CEP128: variants seen among roughly 807,000 people sequenced by gnomAD.
CEP128 encodes centrosomal protein 128, also known as centrosomal protein 128kDa.
CEP128 carries 132 observed loss-of-function variants against 156.7 expected under a neutral mutation model. The observed-to-expected ratio is 0.84, with a 90% CI of 0.73 to 0.97. The LOEUF is 0.97. Among genes scored for constraint, CEP128 ranks in the 50% least tolerant of loss-of-function variants. The pLI is 0.00. For missense variants in CEP128, 1,252 were observed against 1,281.9 expected (o/e 0.98, Z 0.36); for synonymous variants, 469 against 448.9 (o/e 1.04, Z -0.57).
intron 19 of CEP128, among the ~76,000 whole-genome samples, chr14:80,664,847 G>C (rs1895547322): frequency 6.6e-6 from 1 of 152,160 alleles, no homozygotes; most frequent in Non-Finnish European, 1.5e-5. Flanking sequence ...CAGAAGCAAA[G>C]TTCTAAAACC....
At chr14:80,940,052 CAATT>C in intron 1 of CEP128, among the ~76,000 whole-genome samples, 1 of 152,088 alleles carries the variant, frequency 6.6e-6, no homozygotes, top group Admixed American at 6.5e-5. Flanking sequence ...GAAATATTTT[CAATT>C]AATTGTGACT....
intron 13 of CEP128, among the ~76,000 whole-genome samples, chr14:80,794,852 G>A (rs1427109688): frequency 6.6e-6 from 1 of 151,998 alleles, no homozygotes; most frequent in Non-Finnish European, 1.5e-5. Context: ...CCCATAGGAG[G>A]TGATGCATAA....
At chr14:80,821,630 C>T (rs1161537554) in intron 13 of CEP128, among the ~76,000 whole-genome samples, 2 of 150,196 alleles carry the variant, frequency 1.3e-5, no homozygotes, top group South Asian at 2.1e-4. Flanking sequence ...CACACACACA[C>T]ACACACACAC....
At chr14:80,544,610 C>CA (rs1889903830) in intron 21 of CEP128, among the ~76,000 whole-genome samples, 1 of 152,194 alleles carries the variant, frequency 6.6e-6, no homozygotes, top group African/African-American at 2.4e-5. Context: ...TGCAAAATCT[C>CA]AGACTCCTCA....
chr14:80,548,151 A>T (rs927108563), intron 21 of CEP128, among the ~76,000 whole-genome samples: 7 of 151,760 alleles, frequency 4.6e-5, no homozygotes, highest in African/African-American at 1.7e-4. Flanking sequence ...TGAAAAAAAA[A>T]TAATAATAAT....
At chr14:80,875,778 C>A (rs1212184918) in intron 8 of CEP128, among the ~76,000 whole-genome samples, 1 of 152,054 alleles carries the variant, frequency 6.6e-6, no homozygotes. Context: ...TGCACACTCG[C>A]CCTAAAGGGA....
intron 21 of CEP128, among the ~76,000 whole-genome samples, chr14:80,552,479 G>A (rs1311127285): frequency 2.0e-5 from 3 of 152,120 alleles, no homozygotes; most frequent in East Asian, 1.9e-4. Flanking sequence ...ATTACTGTTG[G>A]GGTCAGGATT....
chr14:80,598,993 T>C (rs892129638), intron 19 of CEP128, among the ~76,000 whole-genome samples: 1 of 152,192 alleles, frequency 6.6e-6, no homozygotes, highest in African/African-American at 2.4e-5. Context: ...GTTGTGATAA[T>C]GTACAATGAT....
chr14:80,874,332 T>C (rs172920), intron 8 of CEP128, among the ~76,000 whole-genome samples: 103,178 of 151,494 alleles, frequency 0.68, 36,137 homozygotes, highest in African/African-American at 0.85. Context: ...AGTGTCATGG[T>C]GTACAACTGT....
chr14:80,734,735 C>G (rs1898443823), intron 19 of CEP128, among the ~76,000 whole-genome samples: 1 of 150,156 alleles, frequency 6.7e-6, no homozygotes, highest in Non-Finnish European at 1.5e-5. Flanking sequence ...GTAATCCCAG[C>G]TACTTGGGAG....
At chr14:80,953,509 C>T (rs1377215523) in intron 2 of CEP128, among the ~76,000 whole-genome samples, 4 of 152,096 alleles carry the variant, frequency 2.6e-5, no homozygotes, top group Admixed American at 2.6e-4. Context: ...CCCTTGAGCC[C>T]GGGAGGCGGA....
chr14:80,616,851 T>C (rs2140625806), intron 19 of CEP128, among the ~76,000 whole-genome samples: 1 of 152,234 alleles, frequency 6.6e-6, no homozygotes, highest in East Asian at 1.9e-4. Flanking sequence ...GATCATGTAG[T>C]TTAAAAACAA....
At chr14:80,924,931 T>C (rs1885065931) in intron 2 of CEP128, among the ~76,000 whole-genome samples, 1 of 151,512 alleles carries the variant, frequency 6.6e-6, no homozygotes, top group Non-Finnish European at 1.5e-5. Flanking sequence ...GCAGTGGAGA[T>C]GAAGTATAGC....
At chr14:80,516,114 C>T (rs1235132222) in intron 23 of CEP128, among the ~76,000 whole-genome samples, 3 of 152,126 alleles carry the variant, frequency 2.0e-5, no homozygotes, top group African/African-American at 4.8e-5. Context: ...GTGATTTGCA[C>T]ACCTCAGCCT....
chr14:80,614,602 A>T (rs1893136379), intron 19 of CEP128, among the ~76,000 whole-genome samples: 2 of 151,606 alleles, frequency 1.3e-5, no homozygotes, highest in Admixed American at 6.6e-5. Context: ...ACCATAAAAA[A>T]CCCTGTCCCA....
chr14:80,756,955 C>G lies in CEP128; in HGVS notation c.2554-4G>C, dbSNP rs1595354767. The G allele has an allele frequency of 1.3e-6, 2 of 1,582,854 alleles. No individual in the cohort carries two copies. Among genetic ancestry groups the G allele is most frequent in the East Asian group, 4.5e-5 (2 of 44,556 alleles). On this transcript the variant is annotated splice_polypyrimidine_tract_variant and splice_region_variant and intron_variant, in intron 17 of 24. Coordinates refer to ENST00000555265, the MANE Select transcript of CEP128 (RefSeq NM_152446.5). The stretch of plus-strand genomic sequence containing the variant: ...TATCAGGACCAGATGAAAAAACCTA[C>G]AAAAGAGAAAACAGTCGATTAGAAA...
intron 19 of CEP128, among the ~76,000 whole-genome samples, chr14:80,699,697 C>T (rs1453697197): frequency 6.6e-6 from 1 of 152,066 alleles, no homozygotes; most frequent in African/African-American, 2.4e-5. Context: ...TTTCTACCTC[C>T]TTAGTTAAGA....
At chr14:80,802,788 A>G (rs1883954760) in intron 13 of CEP128, among the ~76,000 whole-genome samples, 1 of 152,186 alleles carries the variant, frequency 6.6e-6, no homozygotes, top group African/African-American at 2.4e-5. Context: ...TATGTGCTTG[A>G]GAAAGATTAA....
intron 19 of CEP128, among the ~76,000 whole-genome samples, chr14:80,730,837 T>C (rs1898239254): frequency 6.6e-6 from 1 of 152,174 alleles, no homozygotes; most frequent in Admixed American, 6.6e-5. Context: ...GTTTCCTCTT[T>C]ATGGGAGAGA....
Sources: allele counts gnomAD v4.1 joint callset (sites outside exome capture counted in the v4.1 genomes callset), GRCh38; gene constraint gnomAD v4.1.1; transcripts MANE v1.5; gene names NCBI Gene and HGNC (gene_info 2026-07-23, HGNC 2026-07-21).